The following EPHA7 variants were observed in gnomAD, a reference collection of about 807,000 sequenced individuals.
The protein encoded by EPHA7 is EPH receptor A7.
Under a neutral mutation model 112.6 loss-of-function variants are expected in EPHA7, and 25 were observed. The ratio of observed to expected loss-of-function variants is 0.22; its 90% CI spans 0.16 to 0.31. EPHA7 has a LOEUF of 0.31. EPHA7 is among the 10% of genes least tolerant of loss of function. EPHA7 has a pLI of 1.00. For missense variants in EPHA7, 962 were observed against 1,212.6 expected (o/e 0.79, Z 3.07); for synonymous variants, 437 against 406.5 (o/e 1.07, Z -0.90).
At chr6:93,267,374 C>A (rs1451797795) in intron 7 of EPHA7, among the ~76,000 whole-genome samples, 1 of 151,580 alleles carries the variant, frequency 6.6e-6, no homozygotes, top group Non-Finnish European at 1.5e-5. Flanking sequence ...GTACAGAGAC[C>A]CAGCTCATCC....
At chr6:93,391,263 T>C (rs181128729) in intron 3 of EPHA7, among the ~76,000 whole-genome samples, 11 of 152,058 alleles carry the variant, frequency 7.2e-5, no homozygotes, top group Admixed American at 3.9e-4. Context: ...GAGGTCATTA[T>C]AGGAATAAAA....
chr6:93,258,023 T>C (rs1770515338), intron 11 of EPHA7, 76 bp downstream of exon 11: 2 of 1,344,134 alleles, frequency 1.5e-6, no homozygotes, highest in African/African-American at 1.5e-5. Flanking sequence ...TCATAATTTG[T>C]TTTATTGTGT....
At chr6:93,392,779 A>C (rs1280788996) in intron 3 of EPHA7, among the ~76,000 whole-genome samples, 1 of 151,884 alleles carries the variant, frequency 6.6e-6, no homozygotes, top group Non-Finnish European at 1.5e-5. Context: ...ACATAATAAA[A>C]CACCATTTAT....
intron 5 of EPHA7, among the ~76,000 whole-genome samples, chr6:93,347,811 C>T (rs1009670435): frequency 6.6e-6 from 1 of 151,712 alleles, no homozygotes; most frequent in African/African-American, 2.4e-5. Context: ...GGGGTTAGGG[C>T]TTCAGCATAG....
intron 3 of EPHA7, among the ~76,000 whole-genome samples, chr6:93,394,053 T>C (rs1333708183): frequency 6.6e-6 from 1 of 151,766 alleles, no homozygotes; most frequent in Non-Finnish European, 1.5e-5. Flanking sequence ...TGTAATTGTG[T>C]CCATCGGATT....
At chr6:93,291,506 C>T (rs1002837922) in intron 5 of EPHA7, among the ~76,000 whole-genome samples, 1 of 151,978 alleles carries the variant, frequency 6.6e-6, no homozygotes, top group Non-Finnish European at 1.5e-5. Flanking sequence ...CGGTGGCTCA[C>T]GCCTGTAATC....
At chr6:93,263,392 TG>T (rs1770779969) in intron 9 of EPHA7, among the ~76,000 whole-genome samples, 1 of 151,442 alleles carries the variant, frequency 6.6e-6, no homozygotes, top group African/African-American at 2.4e-5. Context: ...ATACTATTTA[TG>T]TCCTATGAAA....
chr6:93,328,110 C>A (rs1413841219), intron 5 of EPHA7, among the ~76,000 whole-genome samples: 1 of 151,468 alleles, frequency 6.6e-6, no homozygotes, highest in Non-Finnish European at 1.5e-5. Flanking sequence ...TTCTCTCTGT[C>A]CAGAACACTC....
intron 14 of EPHA7, among the ~76,000 whole-genome samples, chr6:93,253,440 A>G (rs2127853646): frequency 7.6e-6 from 1 of 131,288 alleles, no homozygotes; most frequent in African/African-American, 2.6e-5. Context: ...TAACCTTATC[A>G]ACAACATATA....
chr6:93,286,719 C>T (rs1465528221), intron 5 of EPHA7, among the ~76,000 whole-genome samples: 2 of 151,868 alleles, frequency 1.3e-5, no homozygotes, highest in African/African-American at 2.4e-5. Flanking sequence ...TAGCATTAAA[C>T]CTTCATTTGT....
Position 93,255,994 on chromosome 6 carries a change from A to G in EPHA7, c.2216T>C (p.Leu739Pro). 6.2e-7 allele frequency: 1 copy of G among 1,614,094 alleles called. No homozygotes were observed. Among genetic ancestry groups the G allele is most frequent in the Non-Finnish European group, 8.5e-7 (1 of 1,179,990 alleles). The change falls in exon 13 of 17, where the codon CTG (leucine) becomes CCG (proline). Residue 739 changes from leucine (L) to proline (P), a missense_variant. Transcript: ENST00000369303. ...QFTVIQLVGM[L>P]RGIAAGMRYL... is the part of the protein sequence containing the mutation. ...TCTCATTCCAGCAGCAATTCCTCTC[A>G]GCATTCCTACTAACTGAATGACTGT...
At position 93,242,736 on chromosome 6, in the gene EPHA7, A is replaced by T. The variant is rs997049994; in HGVS notation, c.*690T>A. On this transcript the variant is annotated 3_prime_UTR_variant, in exon 17 of 17. Coordinates refer to ENST00000369303, the MANE Select transcript of EPHA7 (RefSeq NM_004440.4). ...CTTTACAAAAAAATTCTTTTTAAAA[A>T]ATATCAGAGCTCTTGGCAACTTGCA... The T allele has an allele frequency of 1.9e-5, 4 of 214,346 alleles. No homozygotes were observed. The highest frequency in any genetic ancestry group is 5.8e-5 in the Admixed American group (1 of 17,108). The allele number at this position is 214,346 out of a possible 1,614,324, so 13.3% of individuals were successfully genotyped here.
At chr6:93,262,613 G>A (rs1214230639) in intron 9 of EPHA7, among the ~76,000 whole-genome samples, 2 of 151,278 alleles carry the variant, frequency 1.3e-5, no homozygotes, top group Admixed American at 6.6e-5. Flanking sequence ...TCAATTTGTA[G>A]TAAATTGTAC....
intron 3 of EPHA7, among the ~76,000 whole-genome samples, chr6:93,365,804 G>C (rs1018231523): frequency 6.6e-6 from 1 of 152,142 alleles, no homozygotes; most frequent in Non-Finnish European, 1.5e-5. Flanking sequence ...TTAAGTGCTC[G>C]ATGATAACAT....
intron 5 of EPHA7, among the ~76,000 whole-genome samples, chr6:93,350,877 C>T (rs1399334872): frequency 6.6e-6 from 1 of 152,006 alleles, no homozygotes; most frequent in Non-Finnish European, 1.5e-5. Context: ...CGCTGTCTAT[C>T]AGAAAAGATT....
chr6:93,264,123 T>A (rs986701005), intron 8 of EPHA7, among the ~76,000 whole-genome samples: 2 of 151,512 alleles, frequency 1.3e-5, no homozygotes, highest in East Asian at 1.9e-4. Context: ...AGGAACATTT[T>A]AAAAAATACA....
chr6:93,264,795 C>T (rs568988280), intron 7 of EPHA7, 93 bp from the exon 8 acceptor site: 1 of 587,382 alleles, frequency 1.7e-6, no homozygotes, highest in African/African-American at 2.0e-5. Context: ...CTATTTAATT[C>T]TTTATAATTT....
At chr6:93,272,478 T>A in intron 5 of EPHA7, 56 bp from the exon 6 acceptor site, 1 of 1,604,068 alleles carries the variant, frequency 6.2e-7, no homozygotes, top group Non-Finnish European at 8.5e-7. Flanking sequence ...ATGCCTCAAA[T>A]CAAATGTCAC....
At chr6:93,248,882 T>G (rs1770080822) in intron 14 of EPHA7, among the ~76,000 whole-genome samples, 1 of 152,186 alleles carries the variant, frequency 6.6e-6, no homozygotes, top group Admixed American at 6.5e-5. Context: ...CCAAATACAA[T>G]ATATGCTCAA....
Sources: gnomAD v4.1 joint callset for allele counts (sites outside exome capture counted in the v4.1 genomes callset) on GRCh38, gnomAD v4.1.1 for gene constraint, MANE v1.5 for transcripts, NCBI Gene and HGNC (gene_info 2026-07-23, HGNC 2026-07-21) for gene names.